The following ZNF763 variants were observed in gnomAD, a reference collection of about 807,000 sequenced individuals.
ZNF763 encodes the protein DNA-binding protein.
In ZNF763, 33 loss-of-function variants were observed where a neutral mutation model predicts 38.0. That is an observed-to-expected ratio of 0.87 (90% CI 0.66 to 1.16). The LOEUF is 1.16. Among genes scored for constraint, ZNF763 ranks in the 50% most tolerant of loss-of-function variants. The probability of loss-of-function intolerance (pLI) is 0.00; values close to 1 mark genes in which losing one functional copy is unlikely to be tolerated. For synonymous variants in ZNF763, 155 were observed against 160.1 expected (o/e 0.97, Z 0.24); for missense variants, 423 against 469.1 (o/e 0.90, Z 0.91).
At chr19:11,975,097 CTT>C (rs752352750) in intron 1 of ZNF763, among the ~76,000 whole-genome samples, 2 of 145,786 alleles carry the variant, frequency 1.4e-5, no homozygotes, top group African/African-American at 2.5e-5. Context: ...ATGTTATTTT[CTT>C]TTTTTTTTTT....
chr19:11,971,321 A>T (rs1599312131), intron 1 of ZNF763, among the ~76,000 whole-genome samples: 2 of 152,300 alleles, frequency 1.3e-5, no homozygotes, highest in African/African-American at 4.8e-5. Flanking sequence ...CACTAATCTC[A>T]TTCGGAAAGC....
chr19:11,974,897 C>T (rs940095795), intron 1 of ZNF763, among the ~76,000 whole-genome samples: 8 of 152,230 alleles, frequency 5.3e-5, no homozygotes, highest in African/African-American at 1.9e-4. Flanking sequence ...GCCACCACAC[C>T]TGGCTGCTAC....
In ZNF763 at chr19:11,979,307, G is replaced by A; in HGVS notation, c.*198G>A. On this transcript the variant is annotated 3_prime_UTR_variant, in exon 4 of 4. Coordinates refer to ENST00000358987, the MANE Select transcript of ZNF763 (RefSeq NM_001367172.2). Reference sequence around the variant, plus strand: ...AAGCAATGTGGGAAAGCCTTCAGATGTGCCCCACACCTTCGAAGGCATGGT... The same window carrying A: ...AAGCAATGTGGGAAAGCCTTCAGATATGCCCCACACCTTCGAAGGCATGGT... 2.5e-6 allele frequency: 4 copies of A among 1,587,830 alleles called. No homozygotes were observed. Among genetic ancestry groups the A allele is most frequent in the East Asian group, 2.3e-5 (1 of 43,350 alleles).
At chr19:11,971,749 G>A (rs939399731) in intron 1 of ZNF763, among the ~76,000 whole-genome samples, 4 of 151,954 alleles carry the variant, frequency 2.6e-5, no homozygotes, top group African/African-American at 7.3e-5. Context: ...ACTTTTTTGG[G>A]CTTCAAGAAA....
In ZNF763 at chr19:11,978,939, C is replaced by A. The variant is rs936740579; in HGVS notation, c.1015C>A (p.Pro339Thr). The A allele has an allele frequency of 1.2e-6, 2 of 1,614,158 alleles. No homozygotes were observed. Among genetic ancestry groups the A allele is most frequent in the Non-Finnish European group, 1.7e-6 (2 of 1,180,038 alleles). The change falls in exon 4 of 4, where the codon CCT becomes ACT. Residue 339 changes from proline to threonine, a missense_variant. Transcript: ENST00000358987. ...TAAAAGGAGTCACACGGGAGAGAAG[C>A]CTTATCAATGTAAGGAATGTAGAAA... ...RHKRSHTGEK[P>T]YQCKECRKAF...
intron 1 of ZNF763, among the ~76,000 whole-genome samples, chr19:11,974,069 TTTTCTTTC>T (rs199661683): frequency 0.043 from 4,875 of 114,596 alleles, 199 homozygotes; most frequent in East Asian, 0.1. Context: ...TCCTTCTTTC[TTTTCTTTC>T]TTTCTTTCTT....
Position 11,970,621 on chromosome 19 carries a change from C to T in ZNF763, c.3+5410C>T, listed in dbSNP as rs544711627. On this transcript the variant is annotated intron_variant, in intron 1 of 3. Transcript: ENST00000358987. ...CCACTTGTATCATTGGCTGGCAATA[C>T]CTGGTTTGTCATAGTTTCATATTAC... Among the ~76,000 whole-genome samples the T allele has an allele frequency of 1.2e-3, 178 of 152,114 alleles. 1 individual carries two copies. Among genetic ancestry groups the T allele is most frequent in the Non-Finnish European group, 1.8e-3 (122 of 68,046 alleles).
At position 11,970,168 on chromosome 19, in the gene ZNF763, C is replaced by T. The variant is rs116666283; in HGVS notation, c.3+4957C>T. Among the ~76,000 whole-genome samples, 1,085 of 152,292 alleles carry T rather than the reference C, an allele frequency of 7.1e-3. 18 individuals carry two copies. The highest frequency in any genetic ancestry group is 0.025 in the African/African-American group (1,035 of 41,548). On this transcript the variant is annotated intron_variant, in intron 1 of 3. Transcript: ENST00000358987. ...AATTGGAGACACATGGCTGTTCTGC[C>T]AATCGGATGTTGCTAATGAGGAAAA...
At chr19:11,967,874 C>G (rs1468629157) in intron 1 of ZNF763, among the ~76,000 whole-genome samples, 4 of 152,190 alleles carry the variant, frequency 2.6e-5, no homozygotes, top group Non-Finnish European at 5.9e-5. Flanking sequence ...TGTGGGCTGA[C>G]AGCGTCACAA....
Position 11,978,193 on chromosome 19 carries a change from A to G in ZNF763, c.269A>G (p.Asp90Gly). The change falls in exon 4 of 4, where the codon GAC becomes GGC. Residue 90 changes from aspartate (D) to glycine (G), a missense_variant. Asp to Gly is a moderately conservative substitution (Grantham distance 94, BLOSUM62 -1). Coordinates refer to ENST00000358987, the MANE Select transcript of ZNF763 (RefSeq NM_001367172.2). ...CGETFTQVPDDRLNFQEKKAS... is the reference protein window; with the variant it reads ...CGETFTQVPDGRLNFQEKKAS... ...GAAACTTTTACCCAGGTTCCAGATG[A>G]CAGGCTGAACTTCCAGGAGAAGAAA... The G allele has an allele frequency of 6.2e-7, 1 of 1,613,812 alleles. No individual in the cohort carries two copies.
intron 1 of ZNF763, among the ~76,000 whole-genome samples, chr19:11,975,595 C>T (rs1973471465): frequency 6.6e-6 from 1 of 151,330 alleles, no homozygotes; most frequent in Admixed American, 6.6e-5. Context: ...GACAGGGTTT[C>T]ACTGTGTCGA....
At chr19:11,976,084 C>G (rs1216070059) in intron 1 of ZNF763, among the ~76,000 whole-genome samples, 2 of 145,912 alleles carry the variant, frequency 1.4e-5, no homozygotes, top group African/African-American at 5.1e-5. Context: ...TGGGTGGTCC[C>G]TGGGGTGTGG....
intron 1 of ZNF763, 175 bp from the exon 2 acceptor site, chr19:11,976,863 A>AAAC (rs1355911507): frequency 1.4e-6 from 2 of 1,461,802 alleles, no homozygotes; most frequent in African/African-American, 1.4e-5. Flanking sequence ...ATCCATCTCA[A>AAAC]AACAACAACA....
At chr19:11,969,297 G>A (rs138429233) in intron 1 of ZNF763, among the ~76,000 whole-genome samples, 131 of 152,256 alleles carry the variant, frequency 8.6e-4, no homozygotes, top group African/African-American at 2.9e-3. Context: ...TAAAGACAGC[G>A]TTTTATCACG....
intron 1 of ZNF763, 124 bp from the exon 2 acceptor site, chr19:11,976,913 AG>A: frequency 6.5e-7 from 1 of 1,536,330 alleles, no homozygotes; most frequent in Non-Finnish European, 8.7e-7. Context: ...AAAGCGAGAA[AG>A]GGATGTGATG....
At position 11,978,408 on chromosome 19, in the gene ZNF763, C is replaced by T. The variant is rs191167657; in HGVS notation, c.484C>T (p.Gln162Ter). The T allele has an allele frequency of 7.8e-4, 1,266 of 1,614,140 alleles. 1 individual carries two copies. The highest frequency in any genetic ancestry group is 7.5e-4 in the Admixed American group (45 of 60,014). ...CAGATATCACCCCTCCTTTAGAACA[C>T]AAGAAAGGAATCACACCGGAGAGAA... Reference protein sequence around the residue: ...AFRYHPSFRTQERNHTGEKPY... With the variant: ...AFRYHPSFRT Residue 162 changes from glutamine (Q) to a stop codon, truncating the protein, a stop_gained, in exon 4 of 4, where the codon CAA becomes TAA. Transcript: ENST00000358987. LOFTEE classifies it high-confidence loss of function.
Position 11,979,377 on chromosome 19 carries a change from A to G in ZNF763, c.*268A>G. ...CCCTATGAGTGTAAGGAATGTGGGA[A>G]AGCCTTCAGATCTGCCTCACACCTT... On this transcript the variant is annotated 3_prime_UTR_variant, in exon 4 of 4. Coordinates refer to ENST00000358987, the MANE Select transcript of ZNF763 (RefSeq NM_001367172.2). 6.2e-7 allele frequency: 1 copy of G among 1,611,552 alleles called. No homozygotes were observed. Among genetic ancestry groups the G allele is most frequent in the Non-Finnish European group, 8.5e-7 (1 of 1,178,914 alleles).
chr19:11,977,064 T>C lies in ZNF763; in HGVS notation c.30T>C (p.Ala10=), dbSNP rs1973508909. 1 of 1,614,060 alleles carries C rather than the reference T, an allele frequency of 6.2e-7. No individual in the cohort carries two copies. The highest frequency in any genetic ancestry group is 1.3e-5 in the African/African-American group (1 of 74,924). ...ACCCTGTGGCCTGTGAGGATGTTGC[T>C]GTGAACTTCACCCAGGAGGAGTGGG... MDPVACEDV[A]VNFTQEEWAL... Residue 10 remains alanine, a synonymous_variant, in exon 2 of 4, where the codon GCT becomes GCC. Transcript: ENST00000358987.
At chr19:11,976,926 CCAAAG>C (rs1568310112) in intron 1 of ZNF763, 107 bp from the exon 2 acceptor site, 7 of 1,552,590 alleles carry the variant, frequency 4.5e-6, no homozygotes, top group Non-Finnish European at 6.1e-6. Context: ...GATGTGATGA[CCAAAG>C]CAGGGAATAA....
Sources: gnomAD v4.1 joint callset for allele counts (sites outside exome capture counted in the v4.1 genomes callset) on GRCh38, gnomAD v4.1.1 for gene constraint, MANE v1.5 for transcripts, NCBI Gene and HGNC (gene_info 2026-07-23, HGNC 2026-07-21) for gene names.